AGBL1: variants seen among roughly 807,000 people sequenced by gnomAD.
The protein encoded by AGBL1 is cytosolic carboxypeptidase 4.
In AGBL1, 130 loss-of-function variants were observed where a neutral mutation model predicts 118.9. That is an observed-to-expected ratio of 1.09 (90% CI 0.95 to 1.26). AGBL1 has a LOEUF of 1.26. Among genes scored for constraint, AGBL1 ranks in the 50% most tolerant of loss-of-function variants. The pLI is 0.00. For synonymous variants in AGBL1, 555 were observed against 478.9 expected, an observed-to-expected ratio of 1.16 and a Z score of -2.08; for missense variants, 1,584 against 1,298.1, an observed-to-expected ratio of 1.22 and a Z score of -3.38.
intron 22 of AGBL1, among the ~76,000 whole-genome samples, chr15:86,852,315 A>G (rs961096473): frequency 1.3e-5 from 2 of 152,140 alleles, no homozygotes; most frequent in Non-Finnish European, 2.9e-5. Flanking sequence ...CATGGGGGAA[A>G]CTGCTCCCAC....
chr15:86,853,644 C>T (rs1199238055), intron 22 of AGBL1, among the ~76,000 whole-genome samples: 1 of 152,186 alleles, frequency 6.6e-6, no homozygotes, highest in Non-Finnish European at 1.5e-5. Flanking sequence ...ATACAATTTA[C>T]ATACCGTAAC....
At chr15:86,872,181 C>T (rs2079738988) in intron 22 of AGBL1, among the ~76,000 whole-genome samples, 1 of 152,324 alleles carries the variant, frequency 6.6e-6, no homozygotes, top group Middle Eastern at 3.4e-3. Context: ...ATGGCTGGGA[C>T]AGAAGAGCTT....
chr15:86,705,480 C>T (rs181461728), intron 22 of AGBL1, among the ~76,000 whole-genome samples: 86 of 152,176 alleles, frequency 5.7e-4, no homozygotes, highest in Non-Finnish European at 4.0e-4. Context: ...AGGTAATCCA[C>T]GTAAAGTGTT....
At chr15:86,616,765 C>T (rs1377920194) in intron 21 of AGBL1, among the ~76,000 whole-genome samples, 2 of 152,182 alleles carry the variant, frequency 1.3e-5, no homozygotes, top group Non-Finnish European at 2.9e-5. Context: ...ATATACTTCG[C>T]TTGTCCATCT....
At chr15:86,435,405 T>C (rs1251818686) in intron 18 of AGBL1, among the ~76,000 whole-genome samples, 1 of 152,224 alleles carries the variant, frequency 6.6e-6, no homozygotes, top group African/African-American at 2.4e-5. Context: ...CAGGGTGATA[T>C]TGCCGGATGA....
In AGBL1 at chr15:86,242,791, CAAGT is replaced by C. The variant is rs1162572929; in HGVS notation, c.527-4876_527-4873del. ...TGATAACAACTTCCTTTAGTTTTGC[CAAGT>C]AAGAGGAGCAGTGGGCTGCTTGCAG... On this transcript the variant is annotated intron_variant, in intron 6 of 22. Transcript: ENST00000614907. 4.6e-5 allele frequency among the ~76,000 whole-genome samples: 7 copies of C among 152,286 alleles called. No individual in the cohort carries two copies. In the East Asian group the frequency reaches 1.4e-3, roughly 29 times the overall value.
At chr15:86,537,810 C>A (rs759634569) in intron 19 of AGBL1, among the ~76,000 whole-genome samples, 1 of 152,166 alleles carries the variant, frequency 6.6e-6, no homozygotes, top group African/African-American at 2.4e-5. Context: ...TGGATAACAT[C>A]CTCCTTTAGG....
intron 22 of AGBL1, among the ~76,000 whole-genome samples, chr15:86,828,149 C>T (rs1191193735): frequency 6.6e-6 from 1 of 151,222 alleles, no homozygotes; most frequent in Non-Finnish European, 1.5e-5. Flanking sequence ...CACTTTGTTG[C>T]CTAGGCTGGT....
chr15:86,747,405 T>G (rs1384729440), intron 22 of AGBL1, among the ~76,000 whole-genome samples: 1 of 152,022 alleles, frequency 6.6e-6, no homozygotes, highest in Non-Finnish European at 1.5e-5. Context: ...TAATAAAACA[T>G]ACAAAATTGC....
intron 22 of AGBL1, among the ~76,000 whole-genome samples, chr15:86,878,356 C>A (rs1329011467): frequency 6.6e-6 from 1 of 152,164 alleles, no homozygotes; most frequent in Non-Finnish European, 1.5e-5. Context: ...TGGCTGCATT[C>A]CAAAACAAAA....
At chr15:86,848,739 G>A in intron 22 of AGBL1, among the ~76,000 whole-genome samples, 1 of 152,070 alleles carries the variant, frequency 6.6e-6, no homozygotes, top group Non-Finnish European at 1.5e-5. Context: ...GTGAGACAAA[G>A]CATTAGACTA....
chr15:86,432,000 C>T (rs938342004), intron 18 of AGBL1, among the ~76,000 whole-genome samples: 4 of 152,132 alleles, frequency 2.6e-5, no homozygotes, highest in Non-Finnish European at 5.9e-5. Context: ...CAGGGACTCA[C>T]CTGTTATCCT....
At chr15:86,578,163 G>A (rs1192636816) in intron 21 of AGBL1, among the ~76,000 whole-genome samples, 1 of 152,214 alleles carries the variant, frequency 6.6e-6, no homozygotes, top group South Asian at 2.1e-4. Flanking sequence ...AGCCGTAAGT[G>A]CAGAGCTGCC....
At chr15:86,305,596 C>G (rs1195399362) in intron 17 of AGBL1, among the ~76,000 whole-genome samples, 1 of 152,144 alleles carries the variant, frequency 6.6e-6, no homozygotes, top group African/African-American at 2.4e-5. Flanking sequence ...TCATCCTTGT[C>G]TAACAAATGC....
intron 21 of AGBL1, chr15:86,556,090 A>G (rs1297094451): frequency 3.1e-6 from 2 of 644,938 alleles, no homozygotes; most frequent in Non-Finnish European, 5.2e-6. Context: ...CACCAATTCA[A>G]ACAAACAGCT....
intron 18 of AGBL1, among the ~76,000 whole-genome samples, chr15:86,429,256 G>T (rs566271620): frequency 1.7e-4 from 26 of 152,302 alleles, no homozygotes; most frequent in African/African-American, 5.8e-4. Context: ...TTTAAAACAT[G>T]CCAAATGTGG....
intron 5 of AGBL1, among the ~76,000 whole-genome samples, chr15:86,167,244 CTTTTCT>C (rs1471327808): frequency 1.4e-5 from 2 of 146,534 alleles, no homozygotes; most frequent in African/African-American, 5.0e-5. Flanking sequence ...TTCTTTTTTA[CTTTTCT>C]TTTTTTTTTT....
intron 5 of AGBL1, among the ~76,000 whole-genome samples, chr15:86,183,967 A>G (rs2077588180): frequency 6.6e-6 from 1 of 152,110 alleles, no homozygotes; most frequent in South Asian, 2.1e-4. Flanking sequence ...TCCTCAGCAC[A>G]CTCGTGCCTG....
At chr15:86,767,166 A>G (rs774492179) in intron 22 of AGBL1, among the ~76,000 whole-genome samples, 17 of 151,952 alleles carry the variant, frequency 1.1e-4, no homozygotes, top group Non-Finnish European at 2.4e-4. Context: ...TTTTGAATCT[A>G]TTTTTTAAAG....
Sources: allele counts gnomAD v4.1 joint callset (sites outside exome capture counted in the v4.1 genomes callset), GRCh38; gene constraint gnomAD v4.1.1; transcripts MANE v1.5; gene names NCBI Gene and HGNC (gene_info 2026-07-23, HGNC 2026-07-21).